Variants in KDM4C observed in about 807,000 individuals in gnomAD.
KDM4C encodes lysine demethylase 4C.
A neutral mutation model predicts 129.3 loss-of-function variants in KDM4C; 81 were observed. That is an observed-to-expected ratio of 0.63 (90% CI 0.52 to 0.75). The LOEUF is 0.75. Ranked by LOEUF, KDM4C falls within the 30% of genes least tolerant of loss-of-function variation. KDM4C has a pLI of 0.00. For missense variants in KDM4C, 1,457 were observed against 1,304.0 expected (o/e 1.12, Z -1.81); for synonymous variants, 573 against 456.1 (o/e 1.26, Z -3.26).
At chr9:6,787,694 A>G (rs1040977957) in intron 1 of KDM4C, among the ~76,000 whole-genome samples, 1 of 152,192 alleles carries the variant, frequency 6.6e-6, no homozygotes, top group Non-Finnish European at 1.5e-5. Flanking sequence ...GGGTTAGTGT[A>G]AATTGCCTCC....
intron 6 of KDM4C, among the ~76,000 whole-genome samples, chr9:6,881,801 A>ATCTGAT (rs1430763262): frequency 6.6e-6 from 1 of 152,214 alleles, no homozygotes; most frequent in Non-Finnish European, 1.5e-5. Flanking sequence ...CCTGCAAGAT[A>ATCTGAT]GTGAAGGATT....
At chr9:6,869,688 T>G (rs1842568223) in intron 5 of KDM4C, among the ~76,000 whole-genome samples, 1 of 152,184 alleles carries the variant, frequency 6.6e-6, no homozygotes, top group East Asian at 1.9e-4. Flanking sequence ...GACCATCCCT[T>G]GCATGTGGGC....
At chr9:6,768,650 G>T (rs1339615550) in intron 1 of KDM4C, among the ~76,000 whole-genome samples, 3 of 151,992 alleles carry the variant, frequency 2.0e-5, no homozygotes, top group African/African-American at 7.3e-5. Flanking sequence ...ATGTATTCTT[G>T]TTGTAGGTCT....
At chr9:6,920,212 T>C (rs1324926632) in intron 8 of KDM4C, among the ~76,000 whole-genome samples, 1 of 152,106 alleles carries the variant, frequency 6.6e-6, no homozygotes, top group Non-Finnish European at 1.5e-5. Context: ...AAAGCAGTCC[T>C]CATGTGCTGA....
At chr9:6,903,872 C>T (rs781445540) in intron 8 of KDM4C, among the ~76,000 whole-genome samples, 7 of 152,062 alleles carry the variant, frequency 4.6e-5, no homozygotes, top group Admixed American at 1.3e-4. Flanking sequence ...TGTATCTTTT[C>T]GAAAATCTAC....
intron 5 of KDM4C, among the ~76,000 whole-genome samples, chr9:6,855,932 G>T (rs1479347031): frequency 6.6e-6 from 1 of 152,056 alleles, no homozygotes; most frequent in Non-Finnish European, 1.5e-5. Context: ...ATAGAGATGG[G>T]GTCTCGCTGG....
chr9:7,140,588 G>A (rs757401698), intron 19 of KDM4C, among the ~76,000 whole-genome samples: 10 of 152,106 alleles, frequency 6.6e-5, no homozygotes, highest in South Asian at 2.1e-4. Flanking sequence ...TTGATAAGCC[G>A]CATCTGGGTA....
chr9:6,780,926 G>A (rs751945116), intron 1 of KDM4C, among the ~76,000 whole-genome samples: 7 of 152,020 alleles, frequency 4.6e-5, no homozygotes, highest in Non-Finnish European at 8.8e-5. Flanking sequence ...TTCAGTCTTG[G>A]CTTTTTGGTC....
intron 6 of KDM4C, among the ~76,000 whole-genome samples, chr9:6,886,988 TC>T (rs1406356328): frequency 6.6e-6 from 1 of 152,144 alleles, no homozygotes; most frequent in African/African-American, 2.4e-5. Context: ...TCCAGCAGTT[TC>T]CCCCCTCATT....
intron 8 of KDM4C, chr9:6,902,896 T>C (rs1386618159): frequency 6.6e-6 from 1 of 152,160 alleles, no homozygotes; most frequent in East Asian, 1.9e-4. Flanking sequence ...GTGGACCAGA[T>C]TGCTGAGAGA....
chr9:6,728,174 G>A (rs1817203711), intron 1 of KDM4C, among the ~76,000 whole-genome samples: 2 of 151,926 alleles, frequency 1.3e-5, no homozygotes, highest in South Asian at 4.1e-4. Flanking sequence ...GTGTTAGTGG[G>A]ATACATAAAT....
chr9:7,027,924 G>A (rs899917187), intron 15 of KDM4C, among the ~76,000 whole-genome samples: 1 of 152,128 alleles, frequency 6.6e-6, no homozygotes, highest in East Asian at 1.9e-4. Context: ...ATTCAGTTAA[G>A]GCCCTAGGGC....
chr9:6,867,789 A>T (rs1387971479), intron 5 of KDM4C, among the ~76,000 whole-genome samples: 2 of 152,218 alleles, frequency 1.3e-5, no homozygotes, highest in African/African-American at 4.8e-5. Flanking sequence ...TCTACTTATG[A>T]AACTTACTAA....
intron 5 of KDM4C, among the ~76,000 whole-genome samples, chr9:6,858,428 A>G (rs1272491520): frequency 6.6e-6 from 1 of 152,148 alleles, no homozygotes; most frequent in Non-Finnish European, 1.5e-5. Context: ...AACTCTAGGG[A>G]AAAACCAGAA....
Position 7,011,809 on chromosome 9 carries a change from A to T in KDM4C, c.1898A>T (p.Glu633Val), listed in dbSNP as rs1485327371. The T allele has an allele frequency of 4.3e-6, 7 of 1,614,196 alleles. No individual in the cohort carries two copies. Among genetic ancestry groups the T allele is most frequent in the Non-Finnish European group, 5.9e-6 (7 of 1,180,018 alleles). Residue 633 changes from glutamate (E) to valine (V), a missense_variant, in exon 13 of 22, where the codon GAG (glutamate) becomes GTG (valine). Transcript: ENST00000381309. ...TCCCCTAACTTCGCAGCTGAGCAAGAGTATAATGCAACAGTGGCCAGGATG... is the reference window on the plus strand; with the variant it reads ...TCCCCTAACTTCGCAGCTGAGCAAGTGTATAATGCAACAGTGGCCAGGATG... ...TKSPNFAAEQEYNATVARMKP... is the reference protein window; with the variant it reads ...TKSPNFAAEQVYNATVARMKP...
chr9:6,799,125 C>T (rs189336952), intron 2 of KDM4C, among the ~76,000 whole-genome samples: 2 of 151,558 alleles, frequency 1.3e-5, no homozygotes, highest in African/African-American at 4.9e-5. Context: ...AGACGATGGG[C>T]GGCCAGGCAG....
Position 6,888,015 on chromosome 9 carries a change from A to T in KDM4C, c.735A>T (p.Thr245=). 6.2e-7 allele frequency: 1 copy of T among 1,611,412 alleles called. No individual in the cohort carries two copies. The highest frequency in any genetic ancestry group is 8.5e-7 in the Non-Finnish European group (1 of 1,178,018). The change falls in exon 7 of 22, where the codon ACA becomes ACT. Residue 245 remains threonine (T), a synonymous_variant. Coordinates refer to ENST00000381309, the MANE Select transcript of KDM4C (RefSeq NM_015061.6). ...GCDAFLRHKM[T]LISPSVLKKY... ...ATGCATTTCTTCGCCACAAGATGACATTGATTTCTCCATCAGTATTGAAGA... is the reference window on the plus strand; with the variant it reads ...ATGCATTTCTTCGCCACAAGATGACTTTGATTTCTCCATCAGTATTGAAGA...
chr9:6,891,933 A>T (rs1453033345), intron 7 of KDM4C, among the ~76,000 whole-genome samples: 2 of 152,302 alleles, frequency 1.3e-5, no homozygotes, highest in East Asian at 3.9e-4. Flanking sequence ...TACATTTATT[A>T]TCTGAGCATT....
chr9:6,774,237 A>G (rs756774573), intron 1 of KDM4C, among the ~76,000 whole-genome samples: 6 of 152,184 alleles, frequency 3.9e-5, no homozygotes, highest in African/African-American at 4.8e-5. Flanking sequence ...AAAACAGTCT[A>G]CAGTCCTCTG....
Sources: gnomAD v4.1 joint callset for allele counts (sites outside exome capture counted in the v4.1 genomes callset) on GRCh38, gnomAD v4.1.1 for gene constraint, MANE v1.5 for transcripts, NCBI Gene and HGNC (gene_info 2026-07-23, HGNC 2026-07-21) for gene names.